The following COL22A1 variants were observed in gnomAD, a reference collection of about 807,000 sequenced individuals.
COL22A1 encodes collagen alpha-1(XXII) chain.
A neutral mutation model predicts 248.9 loss-of-function variants in COL22A1; 221 were observed. That is an observed-to-expected ratio of 0.89 (90% CI 0.80 to 0.99). The LOEUF (loss-of-function observed/expected upper bound fraction) is 0.99. Ranked by LOEUF, COL22A1 falls within the 50% of genes least tolerant of loss-of-function variation. The probability of loss-of-function intolerance (pLI) is 0.00; values close to 1 mark genes in which losing one functional copy is unlikely to be tolerated. For synonymous variants in COL22A1, 891 were observed against 793.4 expected, an observed-to-expected ratio of 1.12 and a Z score of -2.07; for missense variants, 2,240 against 2,179.0, an observed-to-expected ratio of 1.03 and a Z score of -0.56.
intron 1 of COL22A1, among the ~76,000 whole-genome samples, chr8:138,897,202 C>T (rs1436700738): frequency 6.6e-6 from 1 of 152,072 alleles, no homozygotes; most frequent in Non-Finnish European, 1.5e-5. Flanking sequence ...AGGAAGGAGA[C>T]ATTTACTATT....
intron 11 of COL22A1, among the ~76,000 whole-genome samples, chr8:138,800,186 C>T: frequency 6.6e-6 from 1 of 152,162 alleles, no homozygotes; most frequent in East Asian, 1.9e-4. Context: ...CTTTTCTCAG[C>T]TTGCATCCTT....
intron 1 of COL22A1, among the ~76,000 whole-genome samples, chr8:138,901,358 G>GTTTTGTTTTT (rs1814538491): frequency 7.6e-6 from 1 of 131,514 alleles, no homozygotes; most frequent in African/African-American, 2.8e-5. Context: ...TTACTGGCAG[G>GTTTTGTTTTT]TTTTTTTTTT....
intron 60 of COL22A1, 146 bp downstream of exon 60, chr8:138,601,969 G>A: frequency 1.3e-6 from 1 of 756,844 alleles, no homozygotes. Context: ...TGATCATCCA[G>A]GAAAAAGTGA....
At chr8:138,781,574 A>G (rs1815007670) in intron 12 of COL22A1, among the ~76,000 whole-genome samples, 1 of 152,216 alleles carries the variant, frequency 6.6e-6, no homozygotes, top group South Asian at 2.1e-4. Context: ...TTTCTAAGGA[A>G]TCTCATGCAG....
rs5895548 is a variant in COL22A1, at chr8:138,673,211, AT to A, written c.3150+3346del. 8.9e-3 allele frequency among the ~76,000 whole-genome samples: 1,228 copies of A among 138,284 alleles called. 16 individuals are homozygous for A. Among genetic ancestry groups the A allele is most frequent in the African/African-American group, 0.027 (995 of 37,406 alleles). The allele number at this position is 138,284 out of a possible 152,430, so 90.7% of individuals were successfully genotyped here. A position where few individuals can be genotyped will look rare whatever the true frequency, so the allele number is the denominator to read the frequency against. Reference sequence around the variant, plus strand: ...AGAGTAACTTACTTACAGCCGATCTATTTTTTTTTTTTTTTTTTAGACAGAG... The same window carrying A: ...AGAGTAACTTACTTACAGCCGATCTATTTTTTTTTTTTTTTTTAGACAGAG... On this transcript the variant is annotated intron_variant, in intron 41 of 64. Coordinates refer to ENST00000303045, the MANE Select transcript of COL22A1 (RefSeq NM_152888.3).
intron 9 of COL22A1, 141 bp from the exon 10 acceptor site, chr8:138,807,953 A>C: frequency 2.6e-6 from 2 of 778,672 alleles, no homozygotes; most frequent in Non-Finnish European, 4.2e-6. Context: ...TGGGCAAGGA[A>C]ATTGGTTGAC....
chr8:138,796,275 G>A (rs975485283), intron 12 of COL22A1, among the ~76,000 whole-genome samples: 1 of 151,780 alleles, frequency 6.6e-6, no homozygotes, highest in Non-Finnish European at 1.5e-5. Flanking sequence ...CATAGCTGGG[G>A]AGAACATCTT....
chr8:138,905,278 C>T (rs1031652537), intron 1 of COL22A1, among the ~76,000 whole-genome samples: 20 of 152,192 alleles, frequency 1.3e-4, no homozygotes, highest in African/African-American at 4.6e-4. Flanking sequence ...TGCTCGAATT[C>T]CCTCTAGATA....
intron 34 of COL22A1, 80 bp downstream of exon 34, chr8:138,694,428 G>A: frequency 7.1e-7 from 1 of 1,399,050 alleles, no homozygotes; most frequent in Non-Finnish European, 1.0e-6. Context: ...GAGAGAACTG[G>A]GGAGGGTGGC....
chr8:138,686,699 G>A (rs185981759), intron 37 of COL22A1, among the ~76,000 whole-genome samples: 4 of 152,324 alleles, frequency 2.6e-5, no homozygotes, highest in Non-Finnish European at 2.9e-5. Flanking sequence ...TCCCTCTAGA[G>A]GCTGAATGTG....
intron 5 of COL22A1, among the ~76,000 whole-genome samples, chr8:138,829,558 C>T (rs973969739): frequency 6.6e-6 from 1 of 151,930 alleles, no homozygotes; most frequent in African/African-American, 2.4e-5. Flanking sequence ...TGCCCGCCAC[C>T]ACACCTGGCT....
intron 45 of COL22A1, 115 bp downstream of exon 45, chr8:138,655,782 G>A: frequency 1.1e-6 from 1 of 877,792 alleles, no homozygotes; most frequent in Admixed American, 1.8e-5. Flanking sequence ...TGGCGCTGCT[G>A]TTATCGTTAA....
rs982435450 is a variant in COL22A1 at position 138,739,388 on chromosome 8, A to G, written c.2086-1811T>C. ...CCACATAGATCAGTTTTTCAATTCA[A>G]TTTTGTTTCTCCTGAAATGCTCCTT... On this transcript the variant is annotated intron_variant, in intron 22 of 64. Transcript: ENST00000303045. Among the ~76,000 whole-genome samples the G allele has an allele frequency of 2.0e-5, 3 of 152,086 alleles. No individual in the cohort carries two copies. In the East Asian group the frequency reaches 5.8e-4, roughly 29 times the overall value.
intron 41 of COL22A1, 119 bp from the exon 42 acceptor site, chr8:138,663,859 T>G: frequency 1.3e-6 from 1 of 762,270 alleles, no homozygotes; most frequent in South Asian, 1.5e-5. Context: ...ACTAACTTCC[T>G]CCCACCTTGA....
chr8:138,692,466 T>C (rs72729631), intron 35 of COL22A1, among the ~76,000 whole-genome samples: 21 of 794 alleles, frequency 0.026, 3 homozygotes, highest in South Asian at 0.19. Context: ...TGAGTGCATG[T>C]GTGTGTGTGT....
At chr8:138,611,824 C>T (rs977079703) in intron 56 of COL22A1, among the ~76,000 whole-genome samples, 5 of 151,564 alleles carry the variant, frequency 3.3e-5, no homozygotes, top group Non-Finnish European at 5.9e-5. Context: ...ACCTGCCACA[C>T]ACCCCCTCTC....
intron 54 of COL22A1, 100 bp from the exon 55 acceptor site, chr8:138,616,154 CA>C: frequency 1.0e-6 from 1 of 972,526 alleles, no homozygotes; most frequent in Non-Finnish European, 1.6e-6. Flanking sequence ...TGGAGAGGCC[CA>C]GGGGCCCTGT....
At chr8:138,845,244 G>A (rs1468003530) in intron 3 of COL22A1, among the ~76,000 whole-genome samples, 1 of 148,980 alleles carries the variant, frequency 6.7e-6, no homozygotes, top group Non-Finnish European at 1.5e-5. Context: ...GGGCAGGTGT[G>A]GTGGCTCATG....
intron 37 of COL22A1, among the ~76,000 whole-genome samples, chr8:138,686,312 G>A (rs1826346631): frequency 6.6e-6 from 1 of 152,202 alleles, no homozygotes; most frequent in African/African-American, 2.4e-5. Flanking sequence ...ACAGGGCTCT[G>A]AACAGCCCTT....
Sources: gnomAD v4.1 joint callset for allele counts (sites outside exome capture counted in the v4.1 genomes callset) on GRCh38, gnomAD v4.1.1 for gene constraint, MANE v1.5 for transcripts, NCBI Gene and HGNC (gene_info 2026-07-23, HGNC 2026-07-21) for gene names.